Variants in HS6ST3 observed in about 807,000 individuals in gnomAD.
HS6ST3 encodes heparan-sulfate 6-O-sulfotransferase 3.
In HS6ST3, 12 loss-of-function variants were observed where a neutral mutation model predicts 36.7. The ratio of observed to expected loss-of-function variants is 0.33; its 90% CI spans 0.21 to 0.53. The LOEUF (loss-of-function observed/expected upper bound fraction) is 0.53. Among genes scored for constraint, HS6ST3 ranks in the 20% least tolerant of loss-of-function variants. The pLI, the probability that HS6ST3 is intolerant of heterozygous loss-of-function variation, is 0.95. For missense variants in HS6ST3, 584 were observed against 640.9 expected (o/e 0.91, Z 0.96); for synonymous variants, 240 against 257.5 (o/e 0.93, Z 0.65).
intron 1 of HS6ST3, among the ~76,000 whole-genome samples, chr13:96,666,666 T>C (rs2056665258): frequency 6.6e-6 from 1 of 152,178 alleles, no homozygotes; most frequent in African/African-American, 2.4e-5. Context: ...ATATGAACCA[T>C]AGAAGTATCA....
At chr13:96,108,326 T>C (rs569986971) in intron 1 of HS6ST3, among the ~76,000 whole-genome samples, 1 of 152,174 alleles carries the variant, frequency 6.6e-6, no homozygotes, top group Non-Finnish European at 1.5e-5. Flanking sequence ...GTCAGACCGG[T>C]TTTCTGCTCT....
At chr13:96,357,609 C>A (rs1426054269) in intron 1 of HS6ST3, among the ~76,000 whole-genome samples, 2 of 152,126 alleles carry the variant, frequency 1.3e-5, no homozygotes, top group African/African-American at 4.8e-5. Flanking sequence ...GTTGCCCAGG[C>A]TAGAGTGCAG....
At chr13:96,772,201 G>A (rs935913785) in intron 1 of HS6ST3, among the ~76,000 whole-genome samples, 1 of 152,168 alleles carries the variant, frequency 6.6e-6, no homozygotes, top group African/African-American at 2.4e-5. Context: ...ATCAGAGTTG[G>A]GGCTACTTAC....
intron 1 of HS6ST3, among the ~76,000 whole-genome samples, chr13:96,766,185 G>A (rs1162916779): frequency 1.3e-5 from 2 of 152,164 alleles, no homozygotes; most frequent in Non-Finnish European, 2.9e-5. Flanking sequence ...TATCCCATGA[G>A]AAACATTTGT....
chr13:96,662,316 C>T (rs1249241381), intron 1 of HS6ST3, among the ~76,000 whole-genome samples: 2 of 151,878 alleles, frequency 1.3e-5, no homozygotes, highest in Non-Finnish European at 2.9e-5. Context: ...TTTTTTTATT[C>T]AATTTCCTTC....
intron 1 of HS6ST3, among the ~76,000 whole-genome samples, chr13:96,472,480 G>A (rs1346906212): frequency 2.6e-5 from 4 of 152,096 alleles, no homozygotes; most frequent in Non-Finnish European, 5.9e-5. Flanking sequence ...TAAAACTGAG[G>A]TCAAGAAAAG....
At chr13:96,800,907 G>C (rs1012145418) in intron 1 of HS6ST3, among the ~76,000 whole-genome samples, 12 of 151,996 alleles carry the variant, frequency 7.9e-5, no homozygotes, top group Non-Finnish European at 1.8e-4. Flanking sequence ...TGGCCCTCTA[G>C]TTACTGCCCT....
At chr13:96,623,096 CT>C (rs1364038494) in intron 1 of HS6ST3, among the ~76,000 whole-genome samples, 1 of 152,014 alleles carries the variant, frequency 6.6e-6, no homozygotes, top group Non-Finnish European at 1.5e-5. Context: ...ACATAGTGAA[CT>C]TTTTTCATTT....
Position 96,091,088 on chromosome 13 carries a change from C to T in HS6ST3, c.226C>T (p.Arg76Trp), listed in dbSNP as rs1420151029. ...ERRPQLPPPP[R>W]GPPEGPRGAA... ...GCGGCCCCAGTTGCCCCCGCCGCCC[C>T]GGGGGCCCCCCGAGGGACCTCGGGG... The change falls in exon 1 of 2, where the codon CGG (arginine) becomes TGG (tryptophan). Residue 76 changes from arginine (R) to tryptophan (W), a missense_variant. Coordinates refer to ENST00000376705, the MANE Select transcript of HS6ST3 (RefSeq NM_153456.4). 7.7e-7 allele frequency: 1 copy of T among 1,300,418 alleles called. No homozygotes were observed. Among genetic ancestry groups the T allele is most frequent in the African/African-American group, 1.6e-5 (1 of 64,162 alleles). 80.6% of individuals were successfully genotyped at this position (1,300,418 alleles called of 1,614,324 possible). A position where few individuals can be genotyped will look rare whatever the true frequency, so the allele number is the denominator to read the frequency against.
intron 1 of HS6ST3, among the ~76,000 whole-genome samples, chr13:96,355,378 C>T (rs1485685702): frequency 3.6e-4 from 54 of 150,398 alleles, no homozygotes; most frequent in African/African-American, 1.3e-3. Context: ...CACACACACA[C>T]ACACACACAC....
At chr13:96,458,839 C>G (rs551971112) in intron 1 of HS6ST3, among the ~76,000 whole-genome samples, 2 of 151,962 alleles carry the variant, frequency 1.3e-5, no homozygotes, top group South Asian at 4.1e-4. Context: ...TGGTGGCTCA[C>G]GCCTATAATC....
At chr13:96,714,604 A>T (rs1472106259) in intron 1 of HS6ST3, among the ~76,000 whole-genome samples, 1 of 152,208 alleles carries the variant, frequency 6.6e-6, no homozygotes, top group Non-Finnish European at 1.5e-5. Flanking sequence ...AAAGTTGAAG[A>T]TGTGCATTCC....
chr13:96,503,493 C>T (rs1176980071), intron 1 of HS6ST3, among the ~76,000 whole-genome samples: 2 of 152,152 alleles, frequency 1.3e-5, no homozygotes, highest in South Asian at 2.1e-4. Flanking sequence ...GTCATCATGA[C>T]ATGTCATATT....
chr13:96,174,387 A>T (rs2054202953), intron 1 of HS6ST3, among the ~76,000 whole-genome samples: 2 of 151,912 alleles, frequency 1.3e-5, no homozygotes, highest in Non-Finnish European at 2.9e-5. Context: ...TTCCCTCCAA[A>T]TTTTTTAGGT....
chr13:96,535,791 G>A (rs2056153089), intron 1 of HS6ST3, among the ~76,000 whole-genome samples: 1 of 152,096 alleles, frequency 6.6e-6, no homozygotes, highest in Admixed American at 6.6e-5. Flanking sequence ...GTGGGTTTGG[G>A]TGACTCTTCT....
At chr13:96,300,756 TTGCTC>T (rs2054878057) in intron 1 of HS6ST3, among the ~76,000 whole-genome samples, 1 of 152,298 alleles carries the variant, frequency 6.6e-6, no homozygotes, top group South Asian at 2.1e-4. Context: ...TAAAATATGT[TTGCTC>T]TGTTAGGTTG....
chr13:96,628,219 C>G (rs80185677), intron 1 of HS6ST3, among the ~76,000 whole-genome samples: 133 of 152,012 alleles, frequency 8.7e-4, no homozygotes, highest in African/African-American at 3.1e-3. Context: ...TTTTAATGAT[C>G]ATTCAGCAAT....
chr13:96,736,733 A>T (rs1046996030), intron 1 of HS6ST3, among the ~76,000 whole-genome samples: 1 of 152,234 alleles, frequency 6.6e-6, no homozygotes, highest in Non-Finnish European at 1.5e-5. Context: ...CACCAAGGCT[A>T]AAATAGAACC....
At chr13:96,176,994 C>T (rs1484918045) in intron 1 of HS6ST3, among the ~76,000 whole-genome samples, 2 of 152,144 alleles carry the variant, frequency 1.3e-5, no homozygotes, top group Non-Finnish European at 2.9e-5. Flanking sequence ...AGAAGACATA[C>T]ACGCGGCCAA....
Sources: allele counts gnomAD v4.1 joint callset (sites outside exome capture counted in the v4.1 genomes callset), GRCh38; gene constraint gnomAD v4.1.1; transcripts MANE v1.5; gene names NCBI Gene and HGNC (gene_info 2026-07-23, HGNC 2026-07-21).